CPS1: variants seen among roughly 807,000 people sequenced by gnomAD.
CPS1 encodes carbamoyl-phosphate synthase [ammonia], mitochondrial.
CPS1 carries 109 observed loss-of-function variants against 174.6 expected under a neutral mutation model. The ratio of observed to expected loss-of-function variants is 0.62; its 90% CI spans 0.53 to 0.73. The LOEUF is 0.73. Among genes scored for constraint, CPS1 ranks in the 30% least tolerant of loss-of-function variants. The probability of loss-of-function intolerance (pLI) is 0.00; values close to 1 mark genes in which losing one functional copy is unlikely to be tolerated. For synonymous variants in CPS1, 637 were observed against 632.0 expected (o/e 1.01, Z -0.12); for missense variants, 1,689 against 1,821.9 (o/e 0.93, Z 1.33).
intron 2 of CPS1, among the ~76,000 whole-genome samples, chr2:210,575,928 T>G (rs1697692233): frequency 6.6e-6 from 1 of 152,128 alleles, no homozygotes; most frequent in Non-Finnish European, 1.5e-5. Context: ...ATGGTTACTA[T>G]CTTGGTGAAA....
chr2:210,553,509 G>A (rs1220705889), upstream of CPS1, among the ~76,000 whole-genome samples: 1 of 151,208 alleles, frequency 6.6e-6, no homozygotes, highest in Non-Finnish European at 1.5e-5. Context: ...TTTTATCAGA[G>A]AGTGACTCAT....
chr2:210,677,108 G>A lies in CPS1; in HGVS notation c.4376G>A (p.Ser1459Asn). 6.2e-7 allele frequency: 1 copy of A among 1,613,882 alleles called. No homozygotes were observed. The highest frequency in any genetic ancestry group is 1.1e-5 in the South Asian group (1 of 91,074). The stretch of plus-strand genomic sequence containing the variant: ...GTGATTCGGAGGACAGCTGTTGATA[G>A]TGGAATCCCTCTCCTCACTAATTTT... ...NYVIRRTAVD[S>N]GIPLLTNFQV... Residue 1459 changes from serine (S) to asparagine (N), a missense_variant, in exon 37 of 38, where the codon AGT (serine) becomes AAT (asparagine). Coordinates refer to ENST00000233072, the MANE Select transcript of CPS1 (RefSeq NM_001875.5).
intron 26 of CPS1, 120 bp from the exon 27 acceptor site, chr2:210,648,353 T>C (rs1432329821): frequency 2.4e-6 from 2 of 820,776 alleles, no homozygotes; most frequent in African/African-American, 3.5e-5. Flanking sequence ...CAATTTACAT[T>C]TAATGGTGCC....
At chr2:210,621,681 G>C (rs1421880600) in intron 21 of CPS1, among the ~76,000 whole-genome samples, 1 of 152,070 alleles carries the variant, frequency 6.6e-6, no homozygotes, top group Non-Finnish European at 1.5e-5. Context: ...TGCCTGGAGA[G>C]AGGAAATGCA....
chr2:210,599,642 T>A, intron 14 of CPS1, 81 bp downstream of exon 14: 1 of 1,461,302 alleles, frequency 6.8e-7, no homozygotes, highest in Non-Finnish European at 9.6e-7. Flanking sequence ...CATCTAACAA[T>A]TGTGCTTTGT....
intron 15 of CPS1, among the ~76,000 whole-genome samples, chr2:210,601,150 T>TA (rs1038060828): frequency 3.9e-5 from 6 of 152,074 alleles, no homozygotes; most frequent in Non-Finnish European, 7.4e-5. Context: ...ATCCAGTCAT[T>TA]AAAATGACTG....
intron 11 of CPS1, 131 bp downstream of exon 11, chr2:210,593,087 C>T: frequency 1.2e-6 from 1 of 846,314 alleles, no homozygotes; most frequent in South Asian, 1.4e-5. Flanking sequence ...TTTGGTAACA[C>T]ACATTTTGTA....
At chr2:210,561,283 G>A (rs1697091727) in intron 1 of CPS1, among the ~76,000 whole-genome samples, 1 of 152,118 alleles carries the variant, frequency 6.6e-6, no homozygotes, top group Admixed American at 6.6e-5. Flanking sequence ...TTGAGAGTTA[G>A]GCCCTAAGCA....
intron 1 of CPS1, among the ~76,000 whole-genome samples, chr2:210,503,293 G>A (rs1423259874): frequency 6.6e-6 from 1 of 152,168 alleles, no homozygotes; most frequent in African/African-American, 2.4e-5. Context: ...AAGAAGCTTC[G>A]TGGGGGAATG....
At chr2:210,524,118 C>G (rs1695908236) in intron 1 of CPS1, among the ~76,000 whole-genome samples, 1 of 152,034 alleles carries the variant, frequency 6.6e-6, no homozygotes. Flanking sequence ...CCCAGCTTCC[C>G]CATGCCTTCC....
At chr2:210,524,373 T>G (rs1446150509) in intron 1 of CPS1, among the ~76,000 whole-genome samples, 1 of 152,056 alleles carries the variant, frequency 6.6e-6, no homozygotes, top group Non-Finnish European at 1.5e-5. Flanking sequence ...TAATATTTAT[T>G]GAATGCGTAC....
At chr2:210,662,414 A>G (rs537849670) in intron 32 of CPS1, among the ~76,000 whole-genome samples, 2 of 152,342 alleles carry the variant, frequency 1.3e-5, no homozygotes, top group South Asian at 4.1e-4. Flanking sequence ...CCAAGCTAGA[A>G]TTCCCATCAT....
At chr2:210,663,710 C>G (rs955899203) in intron 33 of CPS1, among the ~76,000 whole-genome samples, 12 of 152,146 alleles carry the variant, frequency 7.9e-5, no homozygotes, top group African/African-American at 2.7e-4. Context: ...GAATCGGCCA[C>G]TGGATGTCCC....
intron 1 of CPS1, among the ~76,000 whole-genome samples, chr2:210,518,636 T>C (rs2105984829): frequency 6.6e-6 from 1 of 152,196 alleles, no homozygotes; most frequent in Non-Finnish European, 1.5e-5. Context: ...GGTCTCATTC[T>C]GTGTAGCCTC....
intron 1 of CPS1, among the ~76,000 whole-genome samples, chr2:210,494,433 A>G (rs1025058504): frequency 6.6e-6 from 1 of 152,198 alleles, no homozygotes; most frequent in African/African-American, 2.4e-5. Context: ...AGAACTTGTC[A>G]GAAGTCTTAT....
chr2:210,481,897 T>G (rs1016354363), intron 1 of CPS1, among the ~76,000 whole-genome samples: 1 of 152,220 alleles, frequency 6.6e-6, no homozygotes, highest in Non-Finnish European at 1.5e-5. Flanking sequence ...TGTGATTGCC[T>G]TGTGGGATCA....
chr2:210,514,423 G>T (rs1199163124), intron 1 of CPS1, among the ~76,000 whole-genome samples: 1 of 151,542 alleles, frequency 6.6e-6, no homozygotes, highest in Non-Finnish European at 1.5e-5. Flanking sequence ...GTATTCCTAG[G>T]TATTTTTTTT....
intron 28 of CPS1, among the ~76,000 whole-genome samples, chr2:210,652,244 G>T (rs894544548): frequency 5.9e-5 from 9 of 152,168 alleles, no homozygotes; most frequent in Non-Finnish European, 1.2e-4. Context: ...GATTATTAAT[G>T]ATGGTGCAGA....
At position 210,602,460 on chromosome 2, in the gene CPS1, G is replaced by A. The variant is rs1212442972; in HGVS notation, c.1836+130G>A. On this transcript the variant is annotated intron_variant, in intron 16 of 37. Transcript: ENST00000233072. ...TAAATCATGATCATGTTCTCCAAAA[G>A]CGTATTCCAAAAGATGACACTTTTG... 3 of 1,199,084 alleles carry A rather than the reference G, an allele frequency of 2.5e-6. No individual in the cohort carries two copies. In the African/African-American group the frequency reaches 4.5e-5, roughly 18 times the overall value. The allele number at this position is 1,199,084 out of a possible 1,614,324, so 74.3% of individuals were successfully genotyped here.
Sources: gnomAD v4.1 joint callset for allele counts (sites outside exome capture counted in the v4.1 genomes callset) on GRCh38, gnomAD v4.1.1 for gene constraint, MANE v1.5 for transcripts, NCBI Gene and HGNC (gene_info 2026-07-23, HGNC 2026-07-21) for gene names.